Variants in MRAP observed in about 807,000 individuals in gnomAD.
The protein encoded by MRAP is melanocortin 2 receptor accessory protein.
Under a neutral mutation model 8.7 loss-of-function variants are expected in MRAP, and 8 were observed. The observed-to-expected ratio is 0.92, with a 90% CI of 0.54 to 1.66. MRAP has a LOEUF of 1.66. Ranked by LOEUF, MRAP falls within the 40% of genes most tolerant of loss-of-function variation. The pLI, the probability that MRAP is intolerant of heterozygous loss-of-function variation, is 0.00. For missense variants in MRAP, 237 were observed against 217.1 expected (o/e 1.09, Z -0.58); for synonymous variants, 95 against 95.5 (o/e 1.00, Z 0.03).
At chr21:32,297,759 G>T (rs549380792), upstream of MRAP, among the ~76,000 whole-genome samples, 1 of 152,356 alleles carries the variant, frequency 6.6e-6, no homozygotes, top group African/African-American at 2.4e-5. Flanking sequence ...TGTAGCGGGA[G>T]CAGAGGTTTT....
At position 32,298,978 on chromosome 21, in the gene MRAP, A is replaced by G; in HGVS notation, c.7A>G (p.Asn3Asp). The G allele has an allele frequency of 1.9e-6, 3 of 1,613,846 alleles. No homozygotes were observed. The highest frequency in any genetic ancestry group is 4.5e-5 in the East Asian group (2 of 44,868). Residue 3 changes from asparagine (N) to aspartate (D), a missense_variant, in exon 1 of 3, where the codon AAC becomes GAC. Transcript: ENST00000303645. ...ACTGCCCAGTGCCACAGACATGGCCAACGGGACCAACGCCTCTGCCCCATA... is the reference window on the plus strand; with the variant it reads ...ACTGCCCAGTGCCACAGACATGGCCGACGGGACCAACGCCTCTGCCCCATA... MA[N>D]GTNASAPYYS...
rs370405332 is a variant in MRAP, at chr21:32,306,776, G to A, written c.206+37G>A. 2.2e-5 allele frequency: 34 copies of A among 1,516,120 alleles called. No homozygotes were observed. In the African/African-American group the frequency reaches 3.7e-4, roughly 17 times the overall value. 93.9% of individuals were successfully genotyped at this position (1,516,120 alleles called of 1,614,324 possible). A position where few individuals can be genotyped will look rare whatever the true frequency, so the allele number is the denominator to read the frequency against. ...GGGGTGTGAGTCTGTGGGTCACTCAGACGCTCTCCAGTGAGTAACAGTGCA... is the reference window on the plus strand; with the variant it reads ...GGGGTGTGAGTCTGTGGGTCACTCAAACGCTCTCCAGTGAGTAACAGTGCA... On this transcript the variant is annotated intron_variant, in intron 2 of 2. Coordinates refer to ENST00000303645, the MANE Select transcript of MRAP (RefSeq NM_001379228.1).
chr21:32,313,744 G>C (rs1364162221), downstream of MRAP: 2 of 152,260 alleles, frequency 1.3e-5, no homozygotes, highest in Non-Finnish European at 2.9e-5. Flanking sequence ...CCACAGAGCA[G>C]ATCCCAAGAG....
Position 32,306,693 on chromosome 21 carries a change from TTCCTCATCTTGCTCTACATG to T in MRAP, c.165_184del (p.Ile56ValfsTer58). The T allele has an allele frequency of 6.2e-7, 1 of 1,614,162 alleles. No individual in the cohort carries two copies. Among genetic ancestry groups the T allele is most frequent in the Non-Finnish European group, 8.5e-7 (1 of 1,180,032 alleles). On this transcript the variant is annotated frameshift_variant, in exon 2 of 3. Coordinates refer to ENST00000303645, the MANE Select transcript of MRAP (RefSeq NM_001379228.1). LOFTEE classifies it low-confidence loss of function (END_TRUNC). The stretch of plus-strand genomic sequence containing the variant: ...CCTGGCTGCCTTCGTGGTGCTGCTC[TTCCTCATCTTGCTCTACATG>T]TCCTGGTCCGCCTCCCCGCAGATGA...
upstream of MRAP, chr21:32,298,745 G>A (rs562603986): frequency 3.2e-5 from 16 of 495,580 alleles, no homozygotes; most frequent in Non-Finnish European, 5.9e-5. Flanking sequence ...TTATCAAGAA[G>A]GGGCAGATGG....
intron 1 of MRAP, among the ~76,000 whole-genome samples, chr21:32,302,852 G>A (rs1268794391): frequency 6.6e-6 from 1 of 152,200 alleles, no homozygotes; most frequent in Non-Finnish European, 1.5e-5. Context: ...TCTCTGAAAA[G>A]GAGGCAAGGA....
At position 32,312,195 on chromosome 21, in the gene MRAP, G is replaced by C; in HGVS notation, c.*199G>C. The C allele has an allele frequency of 3.4e-6, 5 of 1,491,456 alleles. No individual in the cohort carries two copies. The highest frequency in any genetic ancestry group is 4.5e-6 in the Non-Finnish European group (5 of 1,123,140). The allele number at this position is 1,491,456 out of a possible 1,614,324, so 92.4% of individuals were successfully genotyped here. A position where few individuals can be genotyped will look rare whatever the true frequency, so the allele number is the denominator to read the frequency against. On this transcript the variant is annotated 3_prime_UTR_variant, in exon 3 of 3. Coordinates refer to ENST00000303645, the MANE Select transcript of MRAP (RefSeq NM_001379228.1). Reference sequence around the variant, plus strand: ...GAGTGCAGAGGTCATCCCAGGTGTTGCTGAGTTTATTGAGCACACCTAGCC... The same window carrying C: ...GAGTGCAGAGGTCATCCCAGGTGTTCCTGAGTTTATTGAGCACACCTAGCC...
chr21:32,308,271 G>A (rs1016112468), intron 2 of MRAP, among the ~76,000 whole-genome samples: 3 of 152,010 alleles, frequency 2.0e-5, no homozygotes, highest in African/African-American at 2.4e-5. Context: ...CCAGCTACTC[G>A]TGAGGCCAAG....
rs781703497 is a variant in MRAP, at chr21:32,306,723, G to A, written c.190G>A (p.Ala64Thr). Residue 64 changes from alanine to threonine, a missense_variant, in exon 2 of 3, where the codon GCC (alanine) becomes ACC (threonine). Physicochemically the swap from Ala to Thr is moderately conservative, Grantham distance 58. Coordinates refer to ENST00000303645, the MANE Select transcript of MRAP (RefSeq NM_001379228.1). Reference protein sequence around the residue: ...FLILLYMSWSASPQMRNSPKH... With the variant: ...FLILLYMSWSTSPQMRNSPKH... ...CATCTTGCTCTACATGTCCTGGTCC[G>A]CCTCCCCGCAGATGAGGTGGGTAAG... The A allele has an allele frequency of 4.3e-5, 70 of 1,614,020 alleles. No individual in the cohort carries two copies. Among genetic ancestry groups the A allele is most frequent in the South Asian group, 1.5e-4 (14 of 91,076 alleles).
chr21:32,306,658 T>C lies in MRAP; in HGVS notation c.125T>C (p.Phe42Ser). Residue 42 changes from phenylalanine (F) to serine (S), a missense_variant, in exon 2 of 3, where the codon TTC becomes TCC. Physicochemically the swap from Phe to Ser is radical, Grantham distance 155 (BLOSUM62 -2). Coordinates refer to ENST00000303645, the MANE Select transcript of MRAP (RefSeq NM_001379228.1). The stretch of plus-strand genomic sequence containing the variant: ...CCCGCAGATTCCATCGTGATCGCAT[T>C]CTGGGTGAGCCTGGCTGCCTTCGTG... ...KAHKHSIVIA[F>S]WVSLAAFVVL... 1 of 1,614,124 alleles carries C rather than the reference T, an allele frequency of 6.2e-7. No homozygotes were observed. The highest frequency in any genetic ancestry group is 8.5e-7 in the Non-Finnish European group (1 of 1,180,004).
chr21:32,304,897 A>C (rs2032371044), intron 1 of MRAP, among the ~76,000 whole-genome samples: 2 of 150,034 alleles, frequency 1.3e-5, no homozygotes, highest in Admixed American at 6.6e-5. Flanking sequence ...ATGGATGCTC[A>C]TGATTCTTTC....
chr21:32,293,212 C>G (rs1384834408), intron 2 of MRAP: 1 of 152,150 alleles, frequency 6.6e-6, no homozygotes, highest in Non-Finnish European at 1.5e-5. Context: ...CCCCCCGAAG[C>G]TGGAAAGGGC....
Position 32,311,888 on chromosome 21 carries a change from G to C in MRAP, c.411G>C (p.Gln137His). The C allele has an allele frequency of 6.2e-7, 1 of 1,614,010 alleles. No homozygotes were observed. The highest frequency in any genetic ancestry group is 8.5e-7 in the Non-Finnish European group (1 of 1,180,032). The part of the protein sequence containing the change: ...SSSTLPLGGF[Q>H]THPTLLWELT... The stretch of plus-strand genomic sequence containing the variant: ...CCACCTTGCCCCTCGGGGGTTTCCA[G>C]ACCCACCCCACTCTCCTCTGGGAAC... Residue 137 changes from glutamine (Q) to histidine (H), a missense_variant, in exon 3 of 3, where the codon CAG (glutamine) becomes CAC (histidine). By Grantham distance (24) the Gln-to-His change is conservative (BLOSUM62 0). Coordinates refer to ENST00000303645, the MANE Select transcript of MRAP (RefSeq NM_001379228.1).
In MRAP at chr21:32,298,906, A is replaced by G. The variant is rs1303476036; in HGVS notation, c.-66A>G. 1.5e-5 allele frequency: 17 copies of G among 1,155,022 alleles called. No homozygotes were observed. The highest frequency in any genetic ancestry group is 3.0e-5 in the African/African-American group (2 of 66,158). The allele number at this position is 1,155,022 out of a possible 1,614,324, so 71.5% of individuals were successfully genotyped here. On this transcript the variant is annotated 5_prime_UTR_variant, in exon 1 of 3. Coordinates refer to ENST00000303645, the MANE Select transcript of MRAP (RefSeq NM_001379228.1). ...GAAATCAGTGAGGCAGTCTCCTCCC[A>G]GGGGCTTGGCGCCTGGCTCGAGGCG...
At chr21:32,297,744 T>A (rs533624027), upstream of MRAP, among the ~76,000 whole-genome samples, 1 of 152,240 alleles carries the variant, frequency 6.6e-6, no homozygotes, top group Non-Finnish European at 1.5e-5. Context: ...GTCAGAAATG[T>A]ACGGTGTAGC....
intron 2 of MRAP, 165 bp from the exon 3 acceptor site, chr21:32,311,519 T>C: frequency 2.2e-6 from 2 of 906,410 alleles, no homozygotes; most frequent in Non-Finnish European, 3.2e-6. Context: ...TTCTCTAGAA[T>C]GGCCACCTTT....
intron 2 of MRAP, chr21:32,308,370 T>G (rs1376676126): frequency 6.6e-6 from 1 of 151,110 alleles, no homozygotes; most frequent in Non-Finnish European, 1.5e-5. Context: ...AGAGAGAAAC[T>G]CTGTCTCCAA....
upstream of MRAP, among the ~76,000 whole-genome samples, chr21:32,295,066 G>A (rs953260042): frequency 6.6e-6 from 1 of 151,410 alleles, no homozygotes; most frequent in African/African-American, 2.4e-5. Flanking sequence ...GATGGATAGT[G>A]GTATCACTAC....
rs1569025311 is a variant in MRAP at position 32,299,119 on chromosome 21, G to A, written c.106+42G>A. The A allele has an allele frequency of 2.6e-6, 4 of 1,533,920 alleles. No individual in the cohort carries two copies. The South Asian group carries it at 3.4e-5, about 13-fold the overall frequency. ...GAAGCCGGTCAGACAGAGGCTGGGGGCCGGGGCCCAAATGACTGGGCACTC... is the reference window on the plus strand; with the variant it reads ...GAAGCCGGTCAGACAGAGGCTGGGGACCGGGGCCCAAATGACTGGGCACTC... On this transcript the variant is annotated intron_variant, in intron 1 of 2. Transcript: ENST00000303645.
Sources: allele counts gnomAD v4.1 joint callset (sites outside exome capture counted in the v4.1 genomes callset), GRCh38; gene constraint gnomAD v4.1.1; transcripts MANE v1.5; gene names NCBI Gene and HGNC (gene_info 2026-07-23, HGNC 2026-07-21).